Variants in WDFY3 observed in about 807,000 individuals in gnomAD.
WDFY3 encodes WD repeat and FYVE domain containing 3.
A neutral mutation model predicts 409.6 loss-of-function variants in WDFY3; 66 were observed. That is an observed-to-expected ratio of 0.16 (90% CI 0.13 to 0.20). The LOEUF is 0.20. Ranked by LOEUF, WDFY3 falls within the 10% of genes least tolerant of loss-of-function variation. The pLI, the probability that WDFY3 is intolerant of heterozygous loss-of-function variation, is 1.00. For missense variants in WDFY3, 3,031 were observed against 4,298.1 expected (o/e 0.71, Z 8.24); for synonymous variants, 1,521 against 1,537.1 (o/e 0.99, Z 0.25).
chr4:84,834,969 A>G (rs770506477), intron 7 of WDFY3, among the ~76,000 whole-genome samples: 5 of 152,206 alleles, frequency 3.3e-5, no homozygotes, highest in Non-Finnish European at 7.4e-5. Context: ...AGCAGCAGTG[A>G]ACTAGGAGTT....
intron 56 of WDFY3, among the ~76,000 whole-genome samples, chr4:84,701,499 C>T (rs946849429): frequency 6.6e-5 from 10 of 152,030 alleles, no homozygotes; most frequent in African/African-American, 2.2e-4. Context: ...AATTTATGTG[C>T]TAACTCTTAC....
chr4:84,791,832 A>C (rs1422327486), intron 21 of WDFY3, among the ~76,000 whole-genome samples: 3 of 152,286 alleles, frequency 2.0e-5, no homozygotes, highest in Admixed American at 2.0e-4. Context: ...TCCTGACTCC[A>C]ATCTGGCTCC....
At chr4:84,950,793 A>G (rs1172224980) in intron 1 of WDFY3, among the ~76,000 whole-genome samples, 4 of 152,238 alleles carry the variant, frequency 2.6e-5, no homozygotes, top group Non-Finnish European at 4.4e-5. Flanking sequence ...CCAACTCAAA[A>G]AAGAAAAATA....
intron 47 of WDFY3, among the ~76,000 whole-genome samples, chr4:84,719,003 CAG>C (rs1328788387): frequency 6.6e-6 from 1 of 152,176 alleles, no homozygotes; most frequent in Non-Finnish European, 1.5e-5. Context: ...CCTGCTAACT[CAG>C]GGTAAATTTC....
intron 1 of WDFY3, among the ~76,000 whole-genome samples, chr4:84,934,738 C>T (rs181858859): frequency 6.6e-6 from 1 of 152,098 alleles, no homozygotes; most frequent in East Asian, 1.9e-4. Flanking sequence ...TACCTGTCAC[C>T]CAACTCAAGA....
intron 64 of WDFY3, among the ~76,000 whole-genome samples, chr4:84,680,252 C>T (rs1727129092): frequency 6.6e-6 from 1 of 152,078 alleles, no homozygotes; most frequent in African/African-American, 2.4e-5. Flanking sequence ...TGGTTAATGA[C>T]TCAAAGATTA....
At chr4:84,838,734 A>G (rs964490900) in intron 6 of WDFY3, among the ~76,000 whole-genome samples, 1 of 152,168 alleles carries the variant, frequency 6.6e-6, no homozygotes, top group African/African-American at 2.4e-5. Flanking sequence ...CTTAACACTT[A>G]TGTTACCATA....
At chr4:84,832,513 A>T (rs865918659) in intron 7 of WDFY3, among the ~76,000 whole-genome samples, 1 of 152,184 alleles carries the variant, frequency 6.6e-6, no homozygotes, top group Non-Finnish European at 1.5e-5. Context: ...AGAAATAATA[A>T]ATGTTTGAGG....
chr4:84,872,398 G>A (rs1407354983), intron 3 of WDFY3, among the ~76,000 whole-genome samples: 2 of 151,576 alleles, frequency 1.3e-5, no homozygotes, highest in Non-Finnish European at 2.9e-5. Context: ...CCTGGAGGCA[G>A]AGGTTGCAGT....
At chr4:84,742,686 C>A (rs1217042002) in intron 37 of WDFY3, among the ~76,000 whole-genome samples, 1 of 152,128 alleles carries the variant, frequency 6.6e-6, no homozygotes, top group Admixed American at 6.5e-5. Flanking sequence ...CTATTATGAA[C>A]CGTGCATGCA....
At chr4:84,865,200 T>C (rs570246052) in intron 3 of WDFY3, among the ~76,000 whole-genome samples, 4 of 152,300 alleles carry the variant, frequency 2.6e-5, no homozygotes, top group South Asian at 2.1e-4. Context: ...CAACTTTCAT[T>C]TTAATTTTAA....
At position 84,860,547 on chromosome 4, in the gene WDFY3, C is replaced by A. The variant is rs1367492867; in HGVS notation, c.45G>T (p.Glu15Asp). The A allele has an allele frequency of 2.5e-6, 4 of 1,612,882 alleles. No individual in the cohort carries two copies. Among genetic ancestry groups the A allele is most frequent in the Non-Finnish European group, 3.4e-6 (4 of 1,179,110 alleles). The change falls in exon 4 of 68, where the codon GAG becomes GAT. Residue 15 changes from glutamate to aspartate, a missense_variant. Physicochemically the swap from Glu to Asp is conservative, Grantham distance 45. Around this residue, in one of 16 missense-constraint regions of WDFY3, gnomAD observed 1,322 missense variants for 1,697.9 expected, o/e 0.78. Coordinates refer to ENST00000295888, the MANE Select transcript of WDFY3 (RefSeq NM_014991.6). Reference protein sequence around the residue: ...KRIMGRPRQEECSPQDNALGL... With the variant: ...KRIMGRPRQEDCSPQDNALGL... Reference sequence around the variant, plus strand: ...CTAAGGCGTTGTCTTGTGGGCTGCACTCCTCCTGCCTCGGCCGCCCCATGA... The same window carrying A: ...CTAAGGCGTTGTCTTGTGGGCTGCAATCCTCCTGCCTCGGCCGCCCCATGA...
chr4:84,702,827 CG>C (rs1731267744), intron 55 of WDFY3, among the ~76,000 whole-genome samples: 1 of 152,124 alleles, frequency 6.6e-6, no homozygotes, highest in Non-Finnish European at 1.5e-5. Flanking sequence ...CCGGGCGCGG[CG>C]GCTCACGCCT....
intron 4 of WDFY3, among the ~76,000 whole-genome samples, chr4:84,850,401 C>T (rs1019538805): frequency 6.6e-6 from 1 of 152,112 alleles, no homozygotes; most frequent in Admixed American, 6.6e-5. Context: ...TCACTGCAAC[C>T]TCTGCCTTAG....
At chr4:84,799,325 C>CAT (rs1462859357) in intron 17 of WDFY3, among the ~76,000 whole-genome samples, 155 of 143,560 alleles carry the variant, frequency 1.1e-3, no homozygotes, top group East Asian at 3.9e-3. Flanking sequence ...CTAGTTAATA[C>CAT]ATATATATAT....
chr4:84,766,497 T>C (rs1054033693), intron 30 of WDFY3, 125 bp from the exon 31 acceptor site: 1 of 899,992 alleles, frequency 1.1e-6, no homozygotes, highest in Admixed American at 3.2e-5. Context: ...AGGACTGCTT[T>C]TCACCAACAT....
At chr4:84,717,057 A>G in intron 48 of WDFY3, 41 bp from the exon 49 acceptor site, 1 of 1,532,044 alleles carries the variant, frequency 6.5e-7, no homozygotes, top group Non-Finnish European at 8.8e-7. Context: ...AAACACAGCA[A>G]GGGATAAATT....
intron 17 of WDFY3, among the ~76,000 whole-genome samples, chr4:84,799,214 T>C (rs13145705): frequency 0.43 from 64,936 of 151,788 alleles, 14,242 homozygotes; most frequent in East Asian, 0.5. Context: ...TGGAGTGCAG[T>C]GGTGTGATCA....
Position 84,864,448 on chromosome 4 carries a change from C to T in WDFY3, c.-31-3826G>A, listed in dbSNP as rs975569999. Among the ~76,000 whole-genome samples the T allele has an allele frequency of 6.0e-5, 9 of 151,188 alleles. No homozygotes were observed. In the South Asian group the frequency reaches 6.3e-4, roughly 11 times the overall value. On this transcript the variant is annotated intron_variant, in intron 3 of 67. Coordinates refer to ENST00000295888, the MANE Select transcript of WDFY3 (RefSeq NM_014991.6). The stretch of plus-strand genomic sequence containing the variant: ...TTACGCTTAATCTACAGATCATTTT[C>T]GGTAGTACGAACATTGTAACAACAT...
Sources: allele counts gnomAD v4.1 joint callset (sites outside exome capture counted in the v4.1 genomes callset), GRCh38; gene constraint gnomAD v4.1.1; regional missense constraint gnomAD v4.1.1; transcripts MANE v1.5; gene names NCBI Gene and HGNC (gene_info 2026-07-23, HGNC 2026-07-21).